Variants in UTY observed in about 807,000 individuals in gnomAD.
UTY encodes ubiquitously transcribed tetratricopeptide repeat containing, Y-linked.
A neutral mutation model predicts 32.5 loss-of-function variants in UTY; 12 were observed. The observed-to-expected ratio is 0.37, with a 90% confidence interval of 0.24 to 0.60. The LOEUF is 0.60. UTY is among the 20% of genes least tolerant of loss of function. UTY has a pLI of 0.69. For synonymous variants in UTY, 131 were observed against 103.4 expected (o/e 1.27, Z -1.62); for missense variants, 303 against 299.2 (o/e 1.01, Z -0.09).
At chrY:13,393,008 T>C in intron 8 of UTY, 1 of 33,224 alleles carries the variant, frequency 3.0e-5, no homozygotes, top group Non-Finnish European at 7.4e-5. Context: ...GCCACTACAC[T>C]TGGCTAACTA....
At chrY:13,279,016 C>T in intron 27 of UTY, among the ~76,000 whole-genome samples, 1 of 33,754 alleles carries the variant, frequency 3.0e-5, no homozygotes, top group Non-Finnish European at 7.4e-5. Flanking sequence ...GTCACCTGTC[C>T]CTCAGCTCCA....
intron 4 of UTY, among the ~76,000 whole-genome samples, chrY:13,421,361 A>G (rs1012363236): frequency 2.4e-4 from 8 of 33,820 alleles, no homozygotes; most frequent in Non-Finnish European, 3.7e-4. Context: ...CTACCATTTG[A>G]TTCAGCAATC....
At chrY:13,260,250 A>G in intron 28 of UTY, 28 bp downstream of exon 28, 2 of 391,669 alleles carry the variant, frequency 5.1e-6, no homozygotes, top group Non-Finnish European at 7.2e-6. Flanking sequence ...CCAAAACAAA[A>G]CAACTATCAG....
chrY:13,446,327 T>TA (rs2075742196), intron 4 of UTY, among the ~76,000 whole-genome samples: 2 of 31,939 alleles, frequency 6.3e-5, no homozygotes, highest in South Asian at 6.8e-4. Context: ...AGTTAAAAAA[T>TA]AAAAAAAACC....
chrY:13,377,259 G>C (rs903674269), intron 8 of UTY, among the ~76,000 whole-genome samples: 7 of 33,486 alleles, frequency 2.1e-4, no homozygotes, highest in Non-Finnish European at 3.7e-4. Flanking sequence ...AAAAAAATCA[G>C]ATTAAATACA....
At chrY:13,365,720 T>C (rs546784590) in intron 10 of UTY, among the ~76,000 whole-genome samples, 28 of 32,702 alleles carry the variant, frequency 8.6e-4, no homozygotes, top group African/African-American at 3.2e-3. Context: ...TTCAAGTTTA[T>C]ATGGGAAAAG....
At chrY:13,316,915 C>T in intron 21 of UTY, among the ~76,000 whole-genome samples, 1 of 33,531 alleles carries the variant, frequency 3.0e-5, no homozygotes, top group Non-Finnish European at 7.4e-5. Flanking sequence ...TAAAAGTCCA[C>T]CTTTTTGCAA....
intron 4 of UTY, among the ~76,000 whole-genome samples, chrY:13,443,541 C>T (rs571668878): frequency 8.6e-3 from 288 of 33,444 alleles, no homozygotes; most frequent in African/African-American, 0.033. Context: ...GCTGTTGGCC[C>T]GGGTGCCCAA....
intron 27 of UTY, among the ~76,000 whole-genome samples, chrY:13,264,857 CA>C (rs2055624327): frequency 3.0e-5 from 1 of 33,370 alleles, no homozygotes; most frequent in African/African-American, 1.2e-4. Context: ...GGTTTTCTTC[CA>C]GGGTTTTTAT....
At chrY:13,262,561 GT>G in intron 27 of UTY, among the ~76,000 whole-genome samples, 1 of 21,764 alleles carries the variant, frequency 4.6e-5, no homozygotes, top group South Asian at 1.1e-3. Context: ...TTTAGATGGA[GT>G]TTTTTTTTTT....
At chrY:13,353,244 C>G in intron 17 of UTY, among the ~76,000 whole-genome samples, 1 of 33,746 alleles carries the variant, frequency 3.0e-5, no homozygotes, top group East Asian at 7.7e-4. Context: ...ATTTATCATT[C>G]TGAAAATCCC....
At chrY:13,265,413 T>G (rs750859905) in intron 27 of UTY, among the ~76,000 whole-genome samples, 1 of 33,847 alleles carries the variant, frequency 3.0e-5, no homozygotes, top group South Asian at 6.4e-4. Context: ...CCTCTCTTAT[T>G]CCGTTAAGCA....
intron 14 of UTY, 185 bp downstream of exon 14, chrY:13,358,279 A>C (rs2063164834): frequency 9.3e-6 from 2 of 215,706 alleles, no homozygotes; most frequent in Non-Finnish European, 1.1e-5. Flanking sequence ...GAAATGAATA[A>C]AATGACGTGA....
chrY:13,321,095 T>C (rs2059787292), intron 21 of UTY, among the ~76,000 whole-genome samples: 1 of 33,204 alleles, frequency 3.0e-5, no homozygotes, highest in African/African-American at 1.2e-4. Flanking sequence ...ACTACTTCTA[T>C]GAAACAAAGT....
chrY:13,473,889 C>T (rs2078789661), intron 2 of UTY, among the ~76,000 whole-genome samples: 1 of 33,159 alleles, frequency 3.0e-5, no homozygotes, highest in Non-Finnish European at 7.4e-5. Flanking sequence ...ATTAATGGAT[C>T]CCTAAAGGAC....
intron 10 of UTY, among the ~76,000 whole-genome samples, chrY:13,364,899 C>T: frequency 3.0e-5 from 1 of 33,418 alleles, no homozygotes; most frequent in Non-Finnish European, 7.4e-5. Flanking sequence ...TTTTATGTTC[C>T]TACCATAACG....
intron 3 of UTY, among the ~76,000 whole-genome samples, chrY:13,463,114 GTGTT>G (rs2077552316): frequency 2.0e-3 from 60 of 29,460 alleles, no homozygotes; most frequent in Non-Finnish European, 2.8e-3. Flanking sequence ...AGAACGCCCA[GTGTT>G]TGTTTTTTTG....
chrY:13,261,746 T>C, intron 27 of UTY, among the ~76,000 whole-genome samples: 3 of 33,611 alleles, frequency 8.9e-5, no homozygotes, highest in African/African-American at 3.5e-4. Context: ...TACAGCAATA[T>C]AAGCCTAATG....
At chrY:13,346,915 C>T in intron 17 of UTY, among the ~76,000 whole-genome samples, 1 of 33,117 alleles carries the variant, frequency 3.0e-5, no homozygotes, top group Non-Finnish European at 7.4e-5. Context: ...CATACCATCA[C>T]CTGAATAATG....
Sources: allele counts gnomAD v4.1 joint callset (sites outside exome capture counted in the v4.1 genomes callset), GRCh38; gene constraint gnomAD v4.1.1; transcripts MANE v1.5; gene names NCBI Gene and HGNC (gene_info 2026-07-23, HGNC 2026-07-21).